CCDC142: variants seen among roughly 807,000 people sequenced by gnomAD.
CCDC142 encodes coiled-coil domain containing 142.
In CCDC142, 67 loss-of-function variants were observed where a neutral mutation model predicts 83.8. The ratio of observed to expected loss-of-function variants is 0.80; its 90% confidence interval spans 0.66 to 0.98. CCDC142 has a LOEUF of 0.98. Among genes scored for constraint, CCDC142 ranks in the 50% least tolerant of loss-of-function variants. The probability of loss-of-function intolerance (pLI) is 0.00; values close to 1 mark genes in which losing one functional copy is unlikely to be tolerated. For missense variants in CCDC142, 905 were observed against 946.8 expected (o/e 0.96, Z 0.58); for synonymous variants, 421 against 421.2 (o/e 1.00, Z 0.01).
At chr2:74,481,701 G>A (rs2104023391) in intron 1 of CCDC142, 116 bp downstream of exon 1, 1 of 1,398,970 alleles carries the variant, frequency 7.1e-7, no homozygotes, top group Non-Finnish European at 9.9e-7. Flanking sequence ...TCTGAACCCA[G>A]GGGTGTTCTT....
chr2:74,474,081 ATT>A lies in CCDC142; in HGVS notation c.*463_*464del, dbSNP rs36104438. 31 of 97,374 alleles carry A rather than the reference ATT, an allele frequency of 3.2e-4. No homozygotes were observed. Among genetic ancestry groups the A allele is most frequent in the South Asian group, 6.6e-4 (2 of 3,034 alleles). 6.0% of individuals were successfully genotyped at this position (97,374 alleles called of 1,614,324 possible). A position where few individuals can be genotyped will look rare whatever the true frequency, so the allele number is the denominator to read the frequency against. On this transcript the variant is annotated 3_prime_UTR_variant, in exon 9 of 9. Transcript: ENST00000393965. ...GCCACCATGCCCTGCCTAATCTTGGATTTTTTTTTTTTTTTTTTTTGAGACAG... is the reference window on the plus strand; with the variant it reads ...GCCACCATGCCCTGCCTAATCTTGGATTTTTTTTTTTTTTTTTTGAGACAG...
Position 74,472,913 on chromosome 2 carries a change from G to A in CCDC142, c.*1633C>T, listed in dbSNP as rs575709548. 37 of 555,752 alleles carry A rather than the reference G, an allele frequency of 6.7e-5. No homozygotes were observed. Among genetic ancestry groups the A allele is most frequent in the African/African-American group, 6.2e-4 (33 of 52,950 alleles). 34.4% of individuals were successfully genotyped at this position (555,752 alleles called of 1,614,324 possible). A position where few individuals can be genotyped will look rare whatever the true frequency, so the allele number is the denominator to read the frequency against. Reference sequence around the variant, plus strand: ...ATCATGAATAGTCCTCTCATACGACGGTGAAAACCATAAATAAATGGCGCA... The same window carrying A: ...ATCATGAATAGTCCTCTCATACGACAGTGAAAACCATAAATAAATGGCGCA... On this transcript the variant is annotated 3_prime_UTR_variant, in exon 9 of 9. Coordinates refer to ENST00000393965, the MANE Select transcript of CCDC142 (RefSeq NM_001365575.2).
chr2:74,482,047 AG>A lies in CCDC142; in HGVS notation c.790del (p.Leu264SerfsTer30). 1 of 1,613,522 alleles carries A rather than the reference AG, an allele frequency of 6.2e-7. No homozygotes were observed. Among genetic ancestry groups the A allele is most frequent in the Non-Finnish European group, 8.5e-7 (1 of 1,179,948 alleles). On this transcript the variant is annotated frameshift_variant, in exon 1 of 9. Transcript: ENST00000393965. LOFTEE classifies it high-confidence loss of function. This position sits in a 1 kb window ranked among gnomAD's most constrained non-coding sequence, Gnocchi z 5.0. ...ALQGSALRDQ[L>X]RRRCQEEGDL... is the part of the protein sequence containing the mutation. ...CCCCTCCTCTTGGCACCGCCTGCGGAGCTGGTCCCTCAACGCCGATCCTTGG... is the reference window on the plus strand; with the variant it reads ...CCCCTCCTCTTGGCACCGCCTGCGGACTGGTCCCTCAACGCCGATCCTTGG...
At chr2:74,475,199 C>G in intron 7 of CCDC142, 26 bp downstream of exon 7, 1 of 1,614,128 alleles carries the variant, frequency 6.2e-7, no homozygotes, top group Non-Finnish European at 8.5e-7. Context: ...CATTCACCCC[C>G]TGCCACTTCC....
chr2:74,475,391 C>T lies in CCDC142; in HGVS notation c.1630G>A (p.Ala544Thr). 2.5e-6 allele frequency: 4 copies of T among 1,581,320 alleles called. No homozygotes were observed. The highest frequency in any genetic ancestry group is 3.4e-6 in the Non-Finnish European group (4 of 1,163,650). Residue 544 changes from alanine (A) to threonine (T), a missense_variant, in exon 7 of 9, where the codon GCT (alanine) becomes ACT (threonine). Transcript: ENST00000393965. ...RLRLCPEPPS[A>T]PSEYAGLVVR... ...ACTAAACCAGCATACTCACTAGGAG[C>T]ACTGGGAGGTTCTGGAATAGAGAAG...
chr2:74,479,320 C>A (rs1672394579), intron 5 of CCDC142, among the ~76,000 whole-genome samples: 1 of 152,128 alleles, frequency 6.6e-6, no homozygotes, highest in African/African-American at 2.4e-5. Flanking sequence ...ACAGCCACAC[C>A]CCTATTCGGG....
chr2:74,474,972 C>T lies in CCDC142; in HGVS notation c.1940G>A (p.Cys647Tyr), dbSNP rs770091668. 6.2e-7 allele frequency: 1 copy of T among 1,612,038 alleles called. No individual in the cohort carries two copies. Among genetic ancestry groups the T allele is most frequent in the East Asian group, 2.2e-5 (1 of 44,860 alleles). The change falls in exon 8 of 9, where the codon TGT becomes TAT. Residue 647 changes from cysteine to tyrosine, a missense_variant. Around this residue, in one of 3 missense-constraint regions of CCDC142, gnomAD observed 265 missense variants for 288.9 expected, o/e 0.92. Transcript: ENST00000393965. Reference protein sequence around the residue: ...IFQQLDGALLCLLQQPLPKSQ... With the variant: ...IFQQLDGALLYLLQQPLPKSQ... The stretch of plus-strand genomic sequence containing the variant: ...CTTGGGCAGGGGCTGCTGCAACAGA[C>T]ACAGCAGGGCCCCATCCAGCTGCTG...
Position 74,474,670 on chromosome 2 carries a change from C to T in CCDC142, c.2129G>A (p.Arg710Lys), listed in dbSNP as rs766523940. 3 of 1,614,226 alleles carry T rather than the reference C, an allele frequency of 1.9e-6. No homozygotes were observed. Among genetic ancestry groups the T allele is most frequent in the South Asian group, 2.2e-5 (2 of 91,084 alleles). The change falls in exon 9 of 9, where the codon AGG becomes AAG. Residue 710 changes from arginine (R) to lysine (K), a missense_variant. Arg to Lys is a conservative substitution (Grantham distance 26, BLOSUM62 2). Coordinates refer to ENST00000393965, the MANE Select transcript of CCDC142 (RefSeq NM_001365575.2). Reference protein sequence around the residue: ...TGQLQSTLGGRGPSPEGYLVG... With the variant: ...TGQLQSTLGGKGPSPEGYLVG... Reference sequence around the variant, plus strand: ...CAGGTAGCCCTCCGGGCTAGGTCCCCTTCCTCCTAGTGTGCTTTGCAGCTG... The same window carrying T: ...CAGGTAGCCCTCCGGGCTAGGTCCCTTTCCTCCTAGTGTGCTTTGCAGCTG...
In CCDC142 at chr2:74,481,516, C is replaced by G; in HGVS notation, c.1044G>C (p.Glu348Asp). The change falls in exon 2 of 9, where the codon GAG becomes GAC. Residue 348 changes from glutamate to aspartate, a missense_variant. Transcript: ENST00000393965. ...LGQASLPQEC[E>D]KELASLCHRL... ...TGTGACACAAAGATGCCAGCTCCTT[C>G]TCACACTCCTGAGGCAGGGATGCTA... 2 of 1,614,194 alleles carry G rather than the reference C, an allele frequency of 1.2e-6. No individual in the cohort carries two copies. Among genetic ancestry groups the G allele is most frequent in the South Asian group, 2.2e-5 (2 of 91,082 alleles).
Position 74,481,782 on chromosome 2 carries a change from G to C in CCDC142, c.1021+35C>G, listed in dbSNP as rs538558326. 10 of 1,580,880 alleles carry C rather than the reference G, an allele frequency of 6.3e-6. No individual in the cohort carries two copies. In the Admixed American group the frequency reaches 8.8e-5, roughly 14 times the overall value. On this transcript the variant is annotated intron_variant, in intron 1 of 8. Coordinates refer to ENST00000393965, the MANE Select transcript of CCDC142 (RefSeq NM_001365575.2). ...GGCCAAGGGGAAGGAAGAGACCCCA[G>C]CCTTCCCAAACGCCCACCCAAGCCC... is the stretch of plus-strand genomic sequence containing the variant.
chr2:74,482,348 G>T lies in CCDC142; in HGVS notation c.490C>A (p.Pro164Thr). The change falls in exon 1 of 9, where the codon CCG (proline) becomes ACG (threonine). Residue 164 changes from proline to threonine, a missense_variant. Pro to Thr is a conservative substitution (Grantham distance 38, BLOSUM62 -1). This residue lies in a region of CCDC142 where 591 missense variants were observed against 571.4 expected (regional missense o/e 1.03). Coordinates refer to ENST00000393965, the MANE Select transcript of CCDC142 (RefSeq NM_001365575.2). This position sits in a 1 kb window ranked among gnomAD's most constrained non-coding sequence, Gnocchi z 5.0. Reference sequence around the variant, plus strand: ...CCGATGGGGCGCGCTAGCAGCAGCGGCTCGAGAGTCTCCCCAGGGCCGATT... The same window carrying T: ...CCGATGGGGCGCGCTAGCAGCAGCGTCTCGAGAGTCTCCCCAGGGCCGATT... ...LRIGPGETLE[P>T]LLLARPIGLA... 1.3e-6 allele frequency: 2 copies of T among 1,597,764 alleles called. No homozygotes were observed. Among genetic ancestry groups the T allele is most frequent in the Non-Finnish European group, 1.7e-6 (2 of 1,173,940 alleles).
chr2:74,482,196 T>C lies in CCDC142; in HGVS notation c.642A>G (p.Thr214=), dbSNP rs761712852. The part of the protein sequence containing the change: ...ELLFALPAYH[T]LQRKALSHVP... Reference sequence around the variant, plus strand: ...CGTGGCTCAAGGCTTTTCTCTGTAGTGTGTGGTAGGCGGGAAGTGCAAAGA... The same window carrying C: ...CGTGGCTCAAGGCTTTTCTCTGTAGCGTGTGGTAGGCGGGAAGTGCAAAGA... The change falls in exon 1 of 9, where the codon ACA becomes ACG. Residue 214 remains threonine, a synonymous_variant. Transcript: ENST00000393965. This position sits in a 1 kb window ranked among gnomAD's most constrained non-coding sequence, Gnocchi z 5.0. The C allele has an allele frequency of 6.2e-7, 1 of 1,613,592 alleles. No homozygotes were observed. Among genetic ancestry groups the C allele is most frequent in the East Asian group, 2.2e-5 (1 of 44,870 alleles).
rs1395890615 is a variant in CCDC142, at chr2:74,474,732, G to T, written c.2067C>A (p.Pro689=). 2 of 1,614,132 alleles carry T rather than the reference G, an allele frequency of 1.2e-6. No homozygotes were observed. Among genetic ancestry groups the T allele is most frequent in the South Asian group, 2.2e-5 (2 of 91,080 alleles). The change falls in exon 9 of 9, where the codon CCC becomes CCA. Residue 689 remains proline, a synonymous_variant. Coordinates refer to ENST00000393965, the MANE Select transcript of CCDC142 (RefSeq NM_001365575.2). ...SCLNSLESLE[P]PLQPGTSPAQ... is the part of the protein sequence containing the mutation. ...CTGGAGATGTTCCAGGCTGGAGCGG[G>T]GGCTCCAAGCTCTCCAGGCTATTGA... is the stretch of plus-strand genomic sequence containing the variant.
In CCDC142 at chr2:74,482,769, G is replaced by C; in HGVS notation, c.69C>G (p.Pro23=). The C allele has an allele frequency of 6.2e-7, 1 of 1,600,958 alleles. No homozygotes were observed. Among genetic ancestry groups the C allele is most frequent in the Non-Finnish European group, 8.5e-7 (1 of 1,179,954 alleles). ...CCCACTGCTCCTCCCCAGTGCCCCCGGGTTGCGCCCTCAGCGGGGGCACGA... is the reference window on the plus strand; with the variant it reads ...CCCACTGCTCCTCCCCAGTGCCCCCCGGTTGCGCCCTCAGCGGGGGCACGA... ...LVIVPPLRAQ[P]GGTGEEQWER... Residue 23 remains proline, a synonymous_variant, in exon 1 of 9, where the codon CCC becomes CCG. Transcript: ENST00000393965. This position sits in a 1 kb window ranked among gnomAD's most constrained non-coding sequence, Gnocchi z 5.0.
intron 5 of CCDC142, among the ~76,000 whole-genome samples, chr2:74,477,799 GA>G (rs1224128524): frequency 3.9e-5 from 6 of 152,264 alleles, no homozygotes; most frequent in Non-Finnish European, 7.4e-5. Flanking sequence ...AACTGAGGTA[GA>G]AATGCCCAAC....
chr2:74,481,623 A>G, intron 1 of CCDC142, 85 bp from the exon 2 acceptor site: 1 of 1,433,144 alleles, frequency 7.0e-7, no homozygotes, highest in Admixed American at 1.7e-5. Context: ...GCAAGAAGGC[A>G]TGCTTCCTCC....
At chr2:74,479,731 G>A (rs1672402343) in intron 5 of CCDC142, among the ~76,000 whole-genome samples, 1 of 152,098 alleles carries the variant, frequency 6.6e-6, no homozygotes, top group South Asian at 2.1e-4. Context: ...GTAGCTGGGA[G>A]TACAGGCGCA....
chr2:74,476,557 T>C (rs2158830), intron 5 of CCDC142, among the ~76,000 whole-genome samples: 150,073 of 152,312 alleles, frequency 0.99, 73,939 homozygotes, highest in East Asian at 1. Flanking sequence ...ACTATTTGAA[T>C]GTTCTGAGAC....
At chr2:74,477,348 C>G in intron 5 of CCDC142, among the ~76,000 whole-genome samples, 1 of 152,092 alleles carries the variant, frequency 6.6e-6, no homozygotes, top group East Asian at 1.9e-4. Flanking sequence ...AAACTCCTGA[C>G]CTCAAGTTAT....
Sources: gnomAD v4.1 joint callset for allele counts (sites outside exome capture counted in the v4.1 genomes callset) on GRCh38, gnomAD v4.1.1 for gene constraint, gnomAD v4.1.1 regional missense constraint, Gnocchi (gnomAD v3.1) non-coding constraint, MANE v1.5 for transcripts, NCBI Gene and HGNC (gene_info 2026-07-23, HGNC 2026-07-21) for gene names.